The following AIDA variants were observed in gnomAD, a reference collection of about 807,000 sequenced individuals.
AIDA encodes the protein axin interactor, dorsalization associated.
In AIDA, 18 loss-of-function variants were observed where a neutral mutation model predicts 42.7. The observed-to-expected ratio is 0.42, with a 90% CI of 0.29 to 0.63. The LOEUF (loss-of-function observed/expected upper bound fraction) is 0.63, where lower values mean the gene tolerates loss of function less well. AIDA is among the 20% of genes least tolerant of loss of function. AIDA has a pLI of 0.19. For missense variants in AIDA, 250 were observed against 354.1 expected, an observed-to-expected ratio of 0.71 and a Z score of 2.36; for synonymous variants, 104 against 122.9, an observed-to-expected ratio of 0.85 and a Z score of 1.02.
In AIDA at chr1:222,673,414, G is replaced by A. The variant is rs1386927509; in HGVS notation, c.605C>T (p.Thr202Ile). Residue 202 changes from threonine (T) to isoleucine (I), a missense_variant, in exon 8 of 10, where the codon ACT (threonine) becomes ATT (isoleucine). Physicochemically the swap from Thr to Ile is moderately conservative, Grantham distance 89. Coordinates refer to ENST00000340020, the MANE Select transcript of AIDA (RefSeq NM_022831.4). Reference sequence around the variant, plus strand: ...AGCCACAGGAGTATCTTGCACAGGAGTTAAGTCTATGCCATTCAGATCTAA... The same window carrying A: ...AGCCACAGGAGTATCTTGCACAGGAATTAAGTCTATGCCATTCAGATCTAA... ...SVKDLNGIDLTPVQDTPVASR... is the reference protein window; with the variant it reads ...SVKDLNGIDLIPVQDTPVASR... The A allele has an allele frequency of 6.2e-7, 1 of 1,603,436 alleles. No homozygotes were observed. The highest frequency in any genetic ancestry group is 8.5e-7 in the Non-Finnish European group (1 of 1,174,372).
chr1:222,702,685 T>C (rs1261508478), intron 2 of AIDA, among the ~76,000 whole-genome samples: 2 of 152,208 alleles, frequency 1.3e-5, no homozygotes, highest in Non-Finnish European at 2.9e-5. Flanking sequence ...TGGTCTTTTG[T>C]TTTTTGTGTG....
rs969075534 is a variant in AIDA at position 222,693,828 on chromosome 1, C to T, written c.250G>A (p.Glu84Lys). The T allele has an allele frequency of 6.2e-7, 1 of 1,609,260 alleles. No individual in the cohort carries two copies. Among genetic ancestry groups the T allele is most frequent in the Non-Finnish European group, 8.5e-7 (1 of 1,176,698 alleles). Residue 84 changes from glutamate to lysine, a missense_variant, in exon 4 of 10, where the codon GAA (glutamate) becomes AAA (lysine). Glu to Lys is a moderately conservative substitution (Grantham distance 56). Coordinates refer to ENST00000340020, the MANE Select transcript of AIDA (RefSeq NM_022831.4). ...SAALQSTQSQEEFKLEDLKKL... is the reference protein window; with the variant it reads ...SAALQSTQSQKEFKLEDLKKL... ...TTCAGGTCCTCCAGTTTAAATTCTT[C>T]TTGAGACTGTGTGGACTAAATTTAA...
chr1:222,711,171 T>A (rs1345018184), intron 1 of AIDA, among the ~76,000 whole-genome samples: 2 of 152,114 alleles, frequency 1.3e-5, no homozygotes, highest in Admixed American at 1.3e-4. Flanking sequence ...TAACTTGCTT[T>A]AAACAGAGAA....
intron 2 of AIDA, among the ~76,000 whole-genome samples, chr1:222,699,557 G>A (rs930298645): frequency 2.0e-5 from 3 of 152,040 alleles, no homozygotes; most frequent in Non-Finnish European, 2.9e-5. Flanking sequence ...TAAAGGTCCC[G>A]AGAAGTCACA....
intron 6 of AIDA, among the ~76,000 whole-genome samples, chr1:222,681,482 G>T (rs938271360): frequency 1.3e-5 from 2 of 152,120 alleles, no homozygotes; most frequent in African/African-American, 4.8e-5. Context: ...TGGCCAACAT[G>T]GTGAAACTCT....
Position 222,668,605 on chromosome 1 carries a change from T to A in AIDA, c.*1288A>T, listed in dbSNP as rs1664385576. 1 of 68,306 alleles carries A rather than the reference T, an allele frequency of 1.5e-5. No individual in the cohort carries two copies. Among genetic ancestry groups the A allele is most frequent in the Non-Finnish European group, 2.9e-5 (1 of 35,064 alleles). The allele number at this position is 68,306 out of a possible 1,614,324, so 4.2% of individuals were successfully genotyped here. A position where few individuals can be genotyped will look rare whatever the true frequency, so the allele number is the denominator to read the frequency against. On this transcript the variant is annotated 3_prime_UTR_variant, in exon 10 of 10. Coordinates refer to ENST00000340020, the MANE Select transcript of AIDA (RefSeq NM_022831.4). ...GCTACAACAACTTAGTTGTGGTTACTTATTTTAAAAAGCAAACATACTGAA... is the reference window on the plus strand; with the variant it reads ...GCTACAACAACTTAGTTGTGGTTACATATTTTAAAAAGCAAACATACTGAA...
chr1:222,677,602 A>C (rs1664575051), intron 6 of AIDA, among the ~76,000 whole-genome samples: 1 of 152,200 alleles, frequency 6.6e-6, no homozygotes, highest in Admixed American at 6.5e-5. Context: ...TGGTCTGCTA[A>C]GAAAGTTTTA....
chr1:222,704,224 G>A (rs1031632893), intron 1 of AIDA, among the ~76,000 whole-genome samples: 1 of 152,140 alleles, frequency 6.6e-6, no homozygotes, highest in Admixed American at 6.5e-5. Flanking sequence ...TATTGCTGGT[G>A]GGAATGTAAA....
At chr1:222,693,704 CATA>C in intron 4 of AIDA, 82 bp downstream of exon 4, 3 of 1,169,808 alleles carry the variant, frequency 2.6e-6, no homozygotes, top group African/African-American at 1.5e-5. Flanking sequence ...TAAATCAAAT[CATA>C]ATCTTTGTTA....
At chr1:222,701,763 G>A (rs974380938) in intron 2 of AIDA, among the ~76,000 whole-genome samples, 3 of 151,888 alleles carry the variant, frequency 2.0e-5, no homozygotes, top group Non-Finnish European at 2.9e-5. Flanking sequence ...TCTGGCTGTC[G>A]CGCAGGCTGG....
intron 6 of AIDA, among the ~76,000 whole-genome samples, chr1:222,677,174 T>C (rs1055905330): frequency 3.3e-5 from 5 of 152,252 alleles, no homozygotes; most frequent in Middle Eastern, 3.4e-3. Flanking sequence ...CGTTATAATA[T>C]TTCATTTTCT....
intron 1 of AIDA, 37 bp downstream of exon 1, chr1:222,712,171 G>C: frequency 1.3e-6 from 2 of 1,562,960 alleles, no homozygotes; most frequent in South Asian, 1.2e-5. Flanking sequence ...CGCACGACTG[G>C]AGCCGGTCTG....
Position 222,676,097 on chromosome 1 carries a change from C to G in AIDA, c.582G>C (p.Lys194Asn). 2 of 1,583,198 alleles carry G rather than the reference C, an allele frequency of 1.3e-6. No homozygotes were observed. Among genetic ancestry groups the G allele is most frequent in the Non-Finnish European group, 1.7e-6 (2 of 1,167,892 alleles). The change falls in exon 7 of 10, where the codon AAG becomes AAC. Residue 194 changes from lysine (K) to asparagine (N), a missense_variant and splice_region_variant. Coordinates refer to ENST00000340020, the MANE Select transcript of AIDA (RefSeq NM_022831.4). Reference sequence around the variant, plus strand: ...AAAAAAGTAAACAGAGTCACTTACCCTTTACACTAACTGTAATATAGGGAT... The same window carrying G: ...AAAAAAGTAAACAGAGTCACTTACCGTTTACACTAACTGTAATATAGGGAT... ...CIDPYITVSVKDLNGIDLTPV... is the reference protein window; with the variant it reads ...CIDPYITVSVNDLNGIDLTPV...
At chr1:222,670,526 T>C (rs556952561) in intron 8 of AIDA, among the ~76,000 whole-genome samples, 9 of 152,318 alleles carry the variant, frequency 5.9e-5, no homozygotes, top group African/African-American at 2.2e-4. Context: ...ATAACAGTTA[T>C]GTACACAGGT....
At chr1:222,701,728 T>C (rs992290337) in intron 2 of AIDA, among the ~76,000 whole-genome samples, 2 of 152,218 alleles carry the variant, frequency 1.3e-5, no homozygotes, top group African/African-American at 4.8e-5. Context: ...TAAAAATTTA[T>C]TTATTTTCAA....
chr1:222,689,825 A>G (rs1655323572), intron 4 of AIDA, among the ~76,000 whole-genome samples: 1 of 151,918 alleles, frequency 6.6e-6, no homozygotes, highest in South Asian at 2.1e-4. Flanking sequence ...AGTGTACAAT[A>G]ATGTCCTAGG....
chr1:222,704,904 T>C (rs1409179320), intron 1 of AIDA, among the ~76,000 whole-genome samples: 2 of 152,118 alleles, frequency 1.3e-5, no homozygotes, highest in Non-Finnish European at 2.9e-5. Context: ...GGGTGGGCAA[T>C]AGGAACAGGA....
chr1:222,684,834 C>A (rs890526740), intron 6 of AIDA, among the ~76,000 whole-genome samples: 2 of 152,152 alleles, frequency 1.3e-5, no homozygotes. Context: ...CCTTAATCTG[C>A]CCACTTCATG....
chr1:222,671,039 G>C (rs1404463092), intron 8 of AIDA, among the ~76,000 whole-genome samples: 1 of 151,880 alleles, frequency 6.6e-6, no homozygotes, highest in Non-Finnish European at 1.5e-5. Context: ...GGCAACAAGG[G>C]GGTGGTAAGA....
Sources: allele counts gnomAD v4.1 joint callset (sites outside exome capture counted in the v4.1 genomes callset), GRCh38; gene constraint gnomAD v4.1.1; transcripts MANE v1.5; gene names NCBI Gene and HGNC (gene_info 2026-07-23, HGNC 2026-07-21).